The following GRIN2A variants were observed in gnomAD, a reference collection of about 807,000 sequenced individuals.
GRIN2A encodes the protein glutamate receptor ionotropic, NMDA 2A.
Under a neutral mutation model 113.4 loss-of-function variants are expected in GRIN2A, and 22 were observed. The observed-to-expected ratio is 0.19, with a 90% CI of 0.14 to 0.28. The LOEUF (loss-of-function observed/expected upper bound fraction) is 0.28. Among genes scored for constraint, GRIN2A ranks in the 10% least tolerant of loss-of-function variants. The pLI is 1.00. For synonymous variants in GRIN2A, 827 were observed against 738.4 expected, an observed-to-expected ratio of 1.12 and a Z score of -1.94; for missense variants, 1,502 against 1,887.0, an observed-to-expected ratio of 0.80 and a Z score of 3.78.
Position 9,764,900 on chromosome 16 carries a change from A to T in GRIN2A, c.2644T>A (p.Ser882Thr), listed in dbSNP as rs1384190116. 6.2e-7 allele frequency: 1 copy of T among 1,613,888 alleles called. No homozygotes were observed. Among genetic ancestry groups the T allele is most frequent in the East Asian group, 2.2e-5 (1 of 44,882 alleles). Residue 882 changes from serine (S) to threonine (T), a missense_variant, in exon 13 of 13, where the codon TCT becomes ACT. Physicochemically the swap from Ser to Thr is moderately conservative, Grantham distance 58. Transcript: ENST00000330684. ...HGVHIEEKKK[S>T]PDFNLTGSQS... ...GATCCCGTCAGATTGAAGTCTGGAGACTTCTTCTTTTCTTCAATGTGCACT... is the reference window on the plus strand; with the variant it reads ...GATCCCGTCAGATTGAAGTCTGGAGTCTTCTTCTTTTCTTCAATGTGCACT...
intron 2 of GRIN2A, among the ~76,000 whole-genome samples, chr16:10,152,098 A>G (rs1465365182): frequency 1.3e-5 from 2 of 152,212 alleles, no homozygotes; most frequent in African/African-American, 2.4e-5. Context: ...CCACCAGGGA[A>G]GCCAGTACAA....
intron 2 of GRIN2A, among the ~76,000 whole-genome samples, chr16:9,992,047 T>C (rs543053005): frequency 5.3e-4 from 81 of 152,216 alleles, no homozygotes; most frequent in Non-Finnish European, 9.9e-4. Context: ...TGCACATGTA[T>C]CCCAGAACTT....
chr16:9,876,621 G>A (rs529809641), intron 4 of GRIN2A, among the ~76,000 whole-genome samples: 3 of 152,192 alleles, frequency 2.0e-5, no homozygotes, highest in African/African-American at 4.8e-5. Flanking sequence ...CTAAAATCCC[G>A]GGGATATTTT....
At chr16:10,050,171 A>G (rs868301080) in intron 2 of GRIN2A, among the ~76,000 whole-genome samples, 10 of 152,182 alleles carry the variant, frequency 6.6e-5, no homozygotes, top group African/African-American at 2.2e-4. Context: ...AGAGGGAGGT[A>G]GAAAGGGCAG....
At chr16:9,851,648 A>T (rs2042884370) in intron 4 of GRIN2A, among the ~76,000 whole-genome samples, 1 of 152,162 alleles carries the variant, frequency 6.6e-6, no homozygotes, top group African/African-American at 2.4e-5. Flanking sequence ...AACCTTCGAG[A>T]GAGGGTGGGT....
chr16:9,922,309 A>G (rs1446783888), intron 3 of GRIN2A, among the ~76,000 whole-genome samples: 2 of 151,966 alleles, frequency 1.3e-5, no homozygotes, highest in African/African-American at 4.8e-5. Context: ...CAATCTGCAG[A>G]TTTAAAAAAA....
At chr16:9,879,820 T>C (rs565492051) in intron 4 of GRIN2A, among the ~76,000 whole-genome samples, 1 of 152,334 alleles carries the variant, frequency 6.6e-6, no homozygotes, top group South Asian at 2.1e-4. Flanking sequence ...TAAAACCTAA[T>C]AAATGTTAAA....
At chr16:10,164,103 T>C (rs78960547) in intron 2 of GRIN2A, among the ~76,000 whole-genome samples, 2,458 of 152,334 alleles carry the variant, frequency 0.016, 60 homozygotes, top group African/African-American at 0.056. Context: ...TTAAGACCAA[T>C]ATTTGATCAT....
chr16:9,758,194 A>G lies in GRIN2A; in HGVS notation c.*4955T>C. ...TGGGCAGGCACTTCTAGCTAATACTATACTGAAAGTACTGCTGGGCACAGA... is the reference window on the plus strand; with the variant it reads ...TGGGCAGGCACTTCTAGCTAATACTGTACTGAAAGTACTGCTGGGCACAGA... On this transcript the variant is annotated 3_prime_UTR_variant, in exon 13 of 13. Transcript: ENST00000330684. 4.6e-6 allele frequency: 1 copy of G among 219,688 alleles called. No homozygotes were observed. Among genetic ancestry groups the G allele is most frequent in the Non-Finnish European group, 9.1e-6 (1 of 109,422 alleles). 13.6% of individuals were successfully genotyped at this position (219,688 alleles called of 1,614,324 possible).
chr16:10,170,335 T>C (rs924950789), intron 2 of GRIN2A, among the ~76,000 whole-genome samples: 11 of 152,182 alleles, frequency 7.2e-5, no homozygotes, highest in Non-Finnish European at 1.6e-4. Context: ...TTCTTCAAAC[T>C]ATTGAGAGAG....
At chr16:9,856,157 T>C (rs562428199) in intron 4 of GRIN2A, among the ~76,000 whole-genome samples, 2 of 152,312 alleles carry the variant, frequency 1.3e-5, no homozygotes, top group East Asian at 1.9e-4. Flanking sequence ...CCTCATTGCA[T>C]GATGAGGAAA....
intron 3 of GRIN2A, among the ~76,000 whole-genome samples, chr16:9,918,113 G>A (rs1217134391): frequency 2.6e-5 from 4 of 152,198 alleles, no homozygotes; most frequent in Non-Finnish European, 5.9e-5. Context: ...CCCACTGTGA[G>A]TGGGGACCAG....
intron 2 of GRIN2A, chr16:10,031,408 GC>G (rs2046926671): frequency 6.6e-6 from 1 of 152,186 alleles, no homozygotes; most frequent in African/African-American, 2.4e-5. Context: ...CTCTCGCCCT[GC>G]TTTTAAGTAT....
At chr16:9,817,430 C>T (rs2042206004) in intron 10 of GRIN2A, among the ~76,000 whole-genome samples, 1 of 152,140 alleles carries the variant, frequency 6.6e-6, no homozygotes, top group Non-Finnish European at 1.5e-5. Context: ...TACAGTTGGT[C>T]CATTGGCCAG....
intron 2 of GRIN2A, among the ~76,000 whole-genome samples, chr16:10,032,968 C>G (rs990661266): frequency 2.6e-5 from 4 of 152,164 alleles, no homozygotes; most frequent in African/African-American, 9.7e-5. Flanking sequence ...TTCTCGAACC[C>G]ATGACTACAC....
intron 3 of GRIN2A, among the ~76,000 whole-genome samples, chr16:9,918,142 G>C (rs2044287338): frequency 6.6e-6 from 1 of 152,150 alleles, no homozygotes; most frequent in East Asian, 1.9e-4. Flanking sequence ...CTATTTTACT[G>C]ATGACAAAAA....
At chr16:9,964,416 C>T (rs541308657) in intron 2 of GRIN2A, among the ~76,000 whole-genome samples, 72 of 152,204 alleles carry the variant, frequency 4.7e-4, no homozygotes, top group African/African-American at 1.2e-3. Flanking sequence ...AGCCATGGTG[C>T]GTTCATTTTC....
chr16:9,998,410 A>G (rs1301463627), intron 2 of GRIN2A, among the ~76,000 whole-genome samples: 1 of 152,246 alleles, frequency 6.6e-6, no homozygotes, highest in Admixed American at 6.5e-5. Context: ...TGTTGTGTGA[A>G]TACTTAATAG....
chr16:9,972,581 A>C (rs190930438), intron 2 of GRIN2A, among the ~76,000 whole-genome samples: 1 of 152,362 alleles, frequency 6.6e-6, no homozygotes. Context: ...TAAAAAAAAG[A>C]ACATTTAGAA....
Sources: gnomAD v4.1 joint callset for allele counts (sites outside exome capture counted in the v4.1 genomes callset) on GRCh38, gnomAD v4.1.1 for gene constraint, MANE v1.5 for transcripts, NCBI Gene and HGNC (gene_info 2026-07-23, HGNC 2026-07-21) for gene names.